The following LOC128706665 variants were observed in gnomAD, a reference collection of about 807,000 sequenced individuals.
chr20:10,429,126 C>A, the LOC128706665 span, among the ~76,000 whole-genome samples: 1 of 152,194 alleles, frequency 6.6e-6, no homozygotes, highest in African/African-American at 2.4e-5. Flanking sequence ...AATAATGCAT[C>A]TTTTCCTAGT....
chr20:10,414,778 C>T, the LOC128706665 span, among the ~76,000 whole-genome samples: 45 of 152,086 alleles, frequency 3.0e-4, no homozygotes, highest in Admixed American at 1.0e-3. Context: ...CTATATTTAG[C>T]TGAATAATTC....
chr20:10,433,342 C>A, the LOC128706665 span, among the ~76,000 whole-genome samples: 1 of 152,232 alleles, frequency 6.6e-6, no homozygotes, highest in African/African-American at 2.4e-5. Flanking sequence ...GTTGAATTCA[C>A]ACATGCGGAA....
chr20:10,427,706 T>C, the LOC128706665 span, among the ~76,000 whole-genome samples: 1 of 152,274 alleles, frequency 6.6e-6, no homozygotes, highest in Non-Finnish European at 1.5e-5. Flanking sequence ...AGAACAATCG[T>C]TTTCCTTTTT....
the LOC128706665 span, among the ~76,000 whole-genome samples, chr20:10,428,949 C>T: frequency 6.6e-6 from 1 of 152,072 alleles, no homozygotes; most frequent in Non-Finnish European, 1.5e-5. Context: ...GGGGTTCTAA[C>T]TTCATTATCC....
At chr20:10,433,497 G>A in the LOC128706665 span, among the ~76,000 whole-genome samples, 4 of 152,214 alleles carry the variant, frequency 2.6e-5, no homozygotes, top group African/African-American at 9.7e-5. Context: ...AACTGAAGAT[G>A]TTAATGAATG....
the LOC128706665 span, among the ~76,000 whole-genome samples, chr20:10,427,517 TG>T: frequency 6.6e-6 from 1 of 152,222 alleles, no homozygotes; most frequent in South Asian, 2.1e-4. Flanking sequence ...ATGACAATGT[TG>T]GCTTTAGGTA....
chr20:10,432,914 G>C, the LOC128706665 span, among the ~76,000 whole-genome samples: 5 of 151,742 alleles, frequency 3.3e-5, no homozygotes, highest in African/African-American at 1.2e-4. Flanking sequence ...TGCTATGTAA[G>C]TAGTTGTTAC....
chr20:10,425,712 C>T, the LOC128706665 span, among the ~76,000 whole-genome samples: 1 of 152,296 alleles, frequency 6.6e-6, no homozygotes, highest in East Asian at 1.9e-4. Context: ...ATTTGATGAG[C>T]AGTAACTGGT....
chr20:10,415,250 T>A, the LOC128706665 span, among the ~76,000 whole-genome samples: 1 of 152,166 alleles, frequency 6.6e-6, no homozygotes, highest in Non-Finnish European at 1.5e-5. Flanking sequence ...ATGCTGAGTA[T>A]GGTAGTGTCC....
the LOC128706665 span, among the ~76,000 whole-genome samples, chr20:10,425,045 C>A: frequency 6.8e-6 from 1 of 146,830 alleles, no homozygotes. Flanking sequence ...AAGAGCTAAA[C>A]TCCGTCTCAA....
the LOC128706665 span, among the ~76,000 whole-genome samples, chr20:10,425,045 C>T: frequency 1.4e-5 from 2 of 146,830 alleles, no homozygotes; most frequent in African/African-American, 5.0e-5. Flanking sequence ...AAGAGCTAAA[C>T]TCCGTCTCAA....
chr20:10,424,732 C>A, the LOC128706665 span, among the ~76,000 whole-genome samples: 1 of 151,812 alleles, frequency 6.6e-6, no homozygotes, highest in East Asian at 1.9e-4. Context: ...TTTTTTTCTT[C>A]TTAGTTCCTC....
chr20:10,432,424 C>T, the LOC128706665 span, among the ~76,000 whole-genome samples: 1 of 152,168 alleles, frequency 6.6e-6, no homozygotes, highest in Non-Finnish European at 1.5e-5. Flanking sequence ...TGCAATCACC[C>T]CTCAGTATTT....
At chr20:10,427,055 C>G in the LOC128706665 span, among the ~76,000 whole-genome samples, 4 of 148,898 alleles carry the variant, frequency 2.7e-5, no homozygotes, top group East Asian at 7.7e-4. Context: ...CACACACACA[C>G]ACACACACAC....
the LOC128706665 span, among the ~76,000 whole-genome samples, chr20:10,416,494 G>A: frequency 1.3e-5 from 2 of 151,622 alleles, no homozygotes; most frequent in Non-Finnish European, 2.9e-5. Context: ...AAAACATGAC[G>A]ACAGCAACAG....
the LOC128706665 span, among the ~76,000 whole-genome samples, chr20:10,424,790 G>A: frequency 2.0e-5 from 3 of 152,180 alleles, no homozygotes; most frequent in East Asian, 5.8e-4. Flanking sequence ...GGTGGCTCAT[G>A]CCTGTAATCC....
At chr20:10,426,187 G>A in the LOC128706665 span, among the ~76,000 whole-genome samples, 2 of 152,194 alleles carry the variant, frequency 1.3e-5, no homozygotes, top group African/African-American at 2.4e-5. Context: ...ATTACTGTCA[G>A]TTAACTGTGG....
the LOC128706665 span, among the ~76,000 whole-genome samples, chr20:10,421,426 A>C: frequency 1.4e-4 from 22 of 152,176 alleles, no homozygotes; most frequent in African/African-American, 5.1e-4. Flanking sequence ...CAAAAAAAAA[A>C]AAAAAAAAAT....
the LOC128706665 span, among the ~76,000 whole-genome samples, chr20:10,424,144 C>T: frequency 1.3e-5 from 2 of 152,090 alleles, no homozygotes; most frequent in South Asian, 4.1e-4. Context: ...AAGTATCACA[C>T]TGTACATATA....
Sources: gnomAD v4.1 joint callset for allele counts (sites outside exome capture counted in the v4.1 genomes callset) on GRCh38, gnomAD v4.1.1 for gene constraint, MANE v1.5 for transcripts.